NLRP11: variants seen among roughly 807,000 people sequenced by gnomAD.
NLRP11 encodes the protein NLR family pyrin domain containing 11.
NLRP11 carries 53 observed loss-of-function variants against 79.3 expected under a neutral mutation model. The observed-to-expected ratio is 0.67, with a 90% CI of 0.54 to 0.84. NLRP11 has a LOEUF of 0.84. Among genes scored for constraint, NLRP11 ranks in the 40% least tolerant of loss-of-function variants. The pLI, the probability that NLRP11 is intolerant of heterozygous loss-of-function variation, is 0.00. For missense variants in NLRP11, 1,264 were observed against 1,255.0 expected, an observed-to-expected ratio of 1.01 and a Z score of -0.11; for synonymous variants, 518 against 462.6, an observed-to-expected ratio of 1.12 and a Z score of -1.54.
At chr19:55,813,382 TACTTG>T (rs1980791541) in intron 2 of NLRP11, among the ~76,000 whole-genome samples, 1 of 152,166 alleles carries the variant, frequency 6.6e-6, no homozygotes, top group Admixed American at 6.5e-5. Flanking sequence ...ACCCTTTAAT[TACTTG>T]ACTTGTAGTT....
At chr19:55,830,985 T>G (rs1039538670) in intron 1 of NLRP11, among the ~76,000 whole-genome samples, 4 of 152,028 alleles carry the variant, frequency 2.6e-5, no homozygotes, top group African/African-American at 4.8e-5. Context: ...GATTAGAGAC[T>G]TTGGAGGTTG....
chr19:55,813,975 G>A (rs1298687033), intron 2 of NLRP11, among the ~76,000 whole-genome samples: 3 of 152,182 alleles, frequency 2.0e-5, no homozygotes, highest in African/African-American at 7.2e-5. Context: ...GGCATGTTCA[G>A]TAGACTTTAC....
upstream of NLRP11, among the ~76,000 whole-genome samples, chr19:55,833,692 C>A (rs531765311): frequency 7.4e-6 from 1 of 134,730 alleles, no homozygotes; most frequent in Non-Finnish European, 1.5e-5. Context: ...TACTTGAGCC[C>A]GGGAGGAGGA....
At chr19:55,818,489 C>T (rs1289381358) in intron 1 of NLRP11, among the ~76,000 whole-genome samples, 1 of 152,180 alleles carries the variant, frequency 6.6e-6, no homozygotes, top group Non-Finnish European at 1.5e-5. Context: ...CCCTGATTAG[C>T]AAATAGCATA....
In NLRP11 at chr19:55,829,658, C is replaced by CA. The variant is rs543036205; in HGVS notation, c.-63+2304dup. ...CTCCAGCCTGGGCGAGACTCCGTCT[C>CA]AAAAAAAAAAAAAAAAAAAAAAAAA... On this transcript the variant is annotated intron_variant, in intron 1 of 9. Coordinates refer to ENST00000589093, the Ensembl canonical transcript of NLRP11. Among the ~76,000 whole-genome samples, 486 of 73,122 alleles carry CA rather than the reference C, an allele frequency of 6.6e-3. 20 individuals carry two copies. The highest frequency in any genetic ancestry group is 0.018 in the African/African-American group (335 of 18,394). The allele number at this position is 73,122 out of a possible 152,430, so 48.0% of individuals were successfully genotyped here. A position where few individuals can be genotyped will look rare whatever the true frequency, so the allele number is the denominator to read the frequency against.
At chr19:55,796,343 A>C in intron 5 of NLRP11, 93 bp from the exon 6 acceptor site, 2 of 997,526 alleles carry the variant, frequency 2.0e-6, no homozygotes, top group South Asian at 3.3e-5. Flanking sequence ...GACCTAACCA[A>C]GTGCGATGAT....
In NLRP11 at chr19:55,822,276, A is replaced by G. The variant is rs181176525; in HGVS notation, c.-62-4040T>C. 2.7e-3 allele frequency among the ~76,000 whole-genome samples: 410 copies of G among 151,944 alleles called. 9 individuals are homozygous for G. In the East Asian group the frequency reaches 0.053, roughly 20 times the overall value. On this transcript the variant is annotated intron_variant, in intron 1 of 9. Coordinates refer to ENST00000589093, the Ensembl canonical transcript of NLRP11. ...AAGACTCTGTCTCAAAAAGAAATAAAAAAAGATTGCCTTAGTCTCATTGGA... is the reference window on the plus strand; with the variant it reads ...AAGACTCTGTCTCAAAAAGAAATAAGAAAAGATTGCCTTAGTCTCATTGGA...
chr19:55,831,489 G>A (rs1057075295), intron 1 of NLRP11, among the ~76,000 whole-genome samples: 1 of 152,064 alleles, frequency 6.6e-6, no homozygotes, highest in Non-Finnish European at 1.5e-5. Context: ...TTGAACCCAG[G>A]AGACAGAGGT....
At chr19:55,791,745 T>A (rs959639464) in intron 7 of NLRP11, among the ~76,000 whole-genome samples, 2 of 152,170 alleles carry the variant, frequency 1.3e-5, no homozygotes, top group African/African-American at 4.8e-5. Flanking sequence ...GCATCATTGA[T>A]GAGGCACACT....
intron 7 of NLRP11, among the ~76,000 whole-genome samples, chr19:55,791,473 T>C (rs1024037790): frequency 2.6e-5 from 4 of 152,220 alleles, no homozygotes; most frequent in African/African-American, 7.2e-5. Context: ...TAAGATACCA[T>C]ACTGCTGAGC....
At chr19:55,786,135 T>A (rs1008989295) in intron 9 of NLRP11, among the ~76,000 whole-genome samples, 2 of 152,258 alleles carry the variant, frequency 1.3e-5, no homozygotes, top group Non-Finnish European at 2.9e-5. Flanking sequence ...ACGTGCTCAA[T>A]GCTTTACATG....
intron 2 of NLRP11, among the ~76,000 whole-genome samples, chr19:55,815,222 G>T (rs1184311969): frequency 1.3e-5 from 2 of 152,158 alleles, no homozygotes; most frequent in African/African-American, 2.4e-5. Flanking sequence ...TAAGGATAAA[G>T]AAATTATTCA....
upstream of NLRP11, among the ~76,000 whole-genome samples, chr19:55,832,249 A>T (rs2122957516): frequency 6.6e-6 from 1 of 152,172 alleles, no homozygotes; most frequent in South Asian, 2.1e-4. Flanking sequence ...CTGACCAAGA[A>T]CCTCCAAAAC....
chr19:55,818,608 T>C (rs1423980973), intron 1 of NLRP11, among the ~76,000 whole-genome samples: 1 of 152,212 alleles, frequency 6.6e-6, no homozygotes, highest in African/African-American at 2.4e-5. Context: ...TTACAAGATA[T>C]GCTGTTGTAT....
chr19:55,797,021 C>T (rs899935210), intron 5 of NLRP11, among the ~76,000 whole-genome samples: 1 of 146,058 alleles, frequency 6.8e-6, no homozygotes, highest in Non-Finnish European at 1.5e-5. Flanking sequence ...TCTGTACCAT[C>T]CTCCCTGATC....
chr19:55,836,240 A>C (rs1352682788), upstream of NLRP11: 2 of 152,214 alleles, frequency 1.3e-5, no homozygotes, highest in Non-Finnish European at 2.9e-5. Context: ...CATTTAAATT[A>C]TAAACAGAGT....
chr19:55,790,551 T>C (rs918936994), intron 7 of NLRP11, among the ~76,000 whole-genome samples: 3 of 152,280 alleles, frequency 2.0e-5, no homozygotes, highest in Non-Finnish European at 4.4e-5. Context: ...TTCTGTTCAC[T>C]GATGTATCCC....
At chr19:55,790,499 C>T (rs1293609565) in intron 7 of NLRP11, among the ~76,000 whole-genome samples, 7 of 152,138 alleles carry the variant, frequency 4.6e-5, no homozygotes, top group Non-Finnish European at 1.0e-4. Flanking sequence ...TTTCCTATCT[C>T]CCCCAGTGCC....
At chr19:55,835,557 C>T (rs1411518171), upstream of NLRP11, among the ~76,000 whole-genome samples, 23 of 136,272 alleles carry the variant, frequency 1.7e-4, no homozygotes, top group East Asian at 1.3e-3. Context: ...AAAAATTAGC[C>T]GAGGCCAGGC....
Sources: allele counts gnomAD v4.1 joint callset (sites outside exome capture counted in the v4.1 genomes callset), GRCh38; gene constraint gnomAD v4.1.1; transcripts MANE v1.5; gene names NCBI Gene and HGNC (gene_info 2026-07-23, HGNC 2026-07-21).